Variants in HTT observed in about 807,000 individuals in gnomAD.
The protein encoded by HTT is huntington disease protein.
Under a neutral mutation model 362.3 loss-of-function variants are expected in HTT, and 104 were observed. That is an observed-to-expected ratio of 0.29 (90% confidence interval 0.24 to 0.34). HTT has a LOEUF of 0.34. Among genes scored for constraint, HTT ranks in the 10% least tolerant of loss-of-function variants. The pLI is 1.00. For missense variants in HTT, 3,301 were observed against 3,928.6 expected, an observed-to-expected ratio of 0.84 and a Z score of 4.27; for synonymous variants, 1,577 against 1,548.7, an observed-to-expected ratio of 1.02 and a Z score of -0.43.
chr4:3,122,822 A>C, intron 9 of HTT, 67 bp from the exon 10 acceptor site: 2 of 1,332,508 alleles, frequency 1.5e-6, no homozygotes, highest in Non-Finnish European at 2.1e-6. Context: ...AGCTGTTTGA[A>C]GATTTTCACA....
At chr4:3,235,142 TG>T in intron 61 of HTT, 141 bp from the exon 62 acceptor site, 1 of 629,514 alleles carries the variant, frequency 1.6e-6, no homozygotes, top group Non-Finnish European at 2.8e-6. Flanking sequence ...TGCAGGGGCC[TG>T]GGGGAGCCAC....
chr4:3,225,994 G>A (rs1481654431), intron 57 of HTT, among the ~76,000 whole-genome samples: 1 of 152,098 alleles, frequency 6.6e-6, no homozygotes, highest in Non-Finnish European at 1.5e-5. Context: ...CACATGTAGC[G>A]ATAGAGATGT....
intron 40 of HTT, among the ~76,000 whole-genome samples, chr4:3,189,785 G>C (rs541979033): frequency 3.3e-5 from 5 of 152,346 alleles, no homozygotes; most frequent in African/African-American, 1.2e-4. Context: ...AGCACTTTGA[G>C]AGGCCAAGGC....
At chr4:3,225,843 G>T in intron 57 of HTT, 100 bp downstream of exon 57, 1 of 771,512 alleles carries the variant, frequency 1.3e-6, no homozygotes, top group Non-Finnish European at 2.1e-6. Context: ...CTTTTTAAAT[G>T]AAAGGAAGTT....
At chr4:3,229,667 A>G (rs1363215274) in intron 59 of HTT, among the ~76,000 whole-genome samples, 1 of 151,896 alleles carries the variant, frequency 6.6e-6, no homozygotes, top group Admixed American at 6.6e-5. Context: ...CATACGCCAC[A>G]TGTACACACC....
intron 40 of HTT, among the ~76,000 whole-genome samples, chr4:3,196,107 G>C (rs1204253088): frequency 6.6e-6 from 1 of 152,216 alleles, no homozygotes; most frequent in African/African-American, 2.4e-5. Context: ...CATGGGATTA[G>C]TGGTGGCTTC....
intron 46 of HTT, 117 bp from the exon 47 acceptor site, chr4:3,209,710 G>T: frequency 7.9e-7 from 1 of 1,267,480 alleles, no homozygotes; most frequent in South Asian, 1.4e-5. Context: ...CCGGCCGGCA[G>T]CCCTCTCAGC....
chr4:3,215,727 T>C (rs1006282691), intron 51 of HTT, among the ~76,000 whole-genome samples: 1 of 151,398 alleles, frequency 6.6e-6, no homozygotes, highest in African/African-American at 2.4e-5. Flanking sequence ...AAAAAAAAAA[T>C]CCAAATCCCA....
chr4:3,080,017 T>C (rs749683010), intron 1 of HTT, among the ~76,000 whole-genome samples: 38 of 152,084 alleles, frequency 2.5e-4, no homozygotes, highest in Admixed American at 2.0e-3. Context: ...TAGCTTAAAC[T>C]GGTAACAAGC....
At position 3,212,178 on chromosome 4, in the gene HTT, G is replaced by A. The variant is rs530178846; in HGVS notation, c.6628+36G>A. On this transcript the variant is annotated intron_variant, in intron 48 of 66. Transcript: ENST00000355072. The stretch of plus-strand genomic sequence containing the variant: ...TTAAAATTTATCTTATTTTTAAAAA[G>A]CATTCCAGGGCCAGTATAGTACTTT... 84 of 1,468,480 alleles carry A rather than the reference G, an allele frequency of 5.7e-5. No individual in the cohort carries two copies. In the East Asian group the frequency reaches 1.7e-3, roughly 29 times the overall value. 91.0% of individuals were successfully genotyped at this position (1,468,480 alleles called of 1,614,324 possible).
intron 22 of HTT, among the ~76,000 whole-genome samples, chr4:3,141,027 G>A (rs1269248218): frequency 3.3e-5 from 5 of 152,164 alleles, no homozygotes; most frequent in African/African-American, 9.7e-5. Context: ...TTTGGTGAGC[G>A]GGCTATTAAA....
chr4:3,224,245 G>T, intron 56 of HTT, 114 bp downstream of exon 56: 2 of 1,115,472 alleles, frequency 1.8e-6, no homozygotes, highest in Non-Finnish European at 2.6e-6. Flanking sequence ...CTGAGTTGGA[G>T]GCTGTGGTGC....
At chr4:3,225,512 C>T (rs1012343247) in intron 56 of HTT, 149 bp from the exon 57 acceptor site, 8 of 637,930 alleles carry the variant, frequency 1.3e-5, no homozygotes, top group African/African-American at 1.8e-5. Context: ...CCACAGGGCT[C>T]TGCACAACCT....
At chr4:3,186,247 C>T (rs1479132002) in intron 37 of HTT, among the ~76,000 whole-genome samples, 3 of 152,104 alleles carry the variant, frequency 2.0e-5, no homozygotes, top group African/African-American at 7.2e-5. Context: ...TACAAAGGGA[C>T]GCTTGGAAGA....
intron 40 of HTT, among the ~76,000 whole-genome samples, chr4:3,191,154 GCTTTCTTTCTTT>G (rs71180117): frequency 9.5e-5 from 14 of 147,840 alleles, no homozygotes; most frequent in Admixed American, 2.7e-4. Flanking sequence ...TACTGCTTGA[GCTTTCTTTCTTT>G]CTTTCTTTCT....
chr4:3,220,814 T>A (rs988788143), intron 53 of HTT, among the ~76,000 whole-genome samples: 2 of 152,188 alleles, frequency 1.3e-5, no homozygotes, highest in Non-Finnish European at 2.9e-5. Context: ...ACAGTCCTGG[T>A]CTGCTTCCAG....
intron 15 of HTT, 101 bp from the exon 16 acceptor site, chr4:3,131,537 G>C: frequency 6.5e-7 from 1 of 1,538,440 alleles, no homozygotes; most frequent in East Asian, 2.3e-5. Flanking sequence ...CGAGGGGAGG[G>C]AGGAAATGAT....
chr4:3,233,602 A>C (rs1721368479), intron 61 of HTT, among the ~76,000 whole-genome samples: 1 of 151,068 alleles, frequency 6.6e-6, no homozygotes, highest in East Asian at 1.9e-4. Flanking sequence ...CGCTTAGCAC[A>C]CTCTCCCACG....
intron 41 of HTT, 144 bp from the exon 42 acceptor site, chr4:3,203,859 ATATT>A (rs1200360656): frequency 4.4e-6 from 3 of 687,562 alleles, no homozygotes; most frequent in Non-Finnish European, 4.9e-6. Context: ...CTGAGAGTAT[ATATT>A]ACACATACAA....
Sources: allele counts gnomAD v4.1 joint callset (sites outside exome capture counted in the v4.1 genomes callset), GRCh38; gene constraint gnomAD v4.1.1; transcripts MANE v1.5; gene names NCBI Gene and HGNC (gene_info 2026-07-23, HGNC 2026-07-21).